The following BAZ1A variants were observed in gnomAD, a reference collection of about 807,000 sequenced individuals.
The protein encoded by BAZ1A is bromodomain adjacent to zinc finger domain protein 1A.
BAZ1A carries 50 observed loss-of-function variants against 185.2 expected under a neutral mutation model. The ratio of observed to expected loss-of-function variants is 0.27; its 90% CI spans 0.22 to 0.34. BAZ1A has a LOEUF of 0.34. Among genes scored for constraint, BAZ1A ranks in the 10% least tolerant of loss-of-function variants. The probability of loss-of-function intolerance (pLI) is 1.00; values close to 1 mark genes in which losing one functional copy is unlikely to be tolerated. For missense variants in BAZ1A, 1,356 were observed against 1,839.9 expected (o/e 0.74, Z 4.81); for synonymous variants, 571 against 615.6 (o/e 0.93, Z 1.07).
chr14:34,799,392 A>G (rs1881381366), intron 9 of BAZ1A, among the ~76,000 whole-genome samples: 1 of 152,184 alleles, frequency 6.6e-6, no homozygotes. Context: ...ATTAAAAAAC[A>G]AAATTCAAGG....
chr14:34,863,550 C>T (rs989592593), intron 2 of BAZ1A, among the ~76,000 whole-genome samples: 1 of 152,094 alleles, frequency 6.6e-6, no homozygotes, highest in Non-Finnish European at 1.5e-5. Flanking sequence ...TTGTGATCCA[C>T]CTGCCTCGGC....
intron 4 of BAZ1A, among the ~76,000 whole-genome samples, chr14:34,818,731 C>T (rs1305531156): frequency 2.0e-5 from 3 of 152,018 alleles, no homozygotes; most frequent in Non-Finnish European, 4.4e-5. Flanking sequence ...CTGTATACAC[C>T]GTGTATATGC....
chr14:34,791,148 A>AAAGAAAAGAGAAGAGAAAAGAGAAGAG lies in BAZ1A; in HGVS notation c.1510+1626_1510+1627insCTCTTCTCTTTTCTCTTCTCTTTTCTT, dbSNP rs1555339948. On this transcript the variant is annotated intron_variant, in intron 12 of 26. Transcript: ENST00000360310. Reference sequence around the variant, plus strand: ...AAAAAAGAAAAGAAAAGAGAAGAGAAAAGAGAAGAGAAGAGAGTAGTAATG... The same window carrying AAAGAAAAGAGAAGAGAAAAGAGAAGAG: ...AAAAAAGAAAAGAAAAGAGAAGAGAAAAGAAAAGAGAAGAGAAAAGAGAAGAGAAGAGAAGAGAAGAGAGTAGTAATG... Among the ~76,000 whole-genome samples the AAAGAAAAGAGAAGAGAAAAGAGAAGAG allele has an allele frequency of 2.6e-3, 397 of 151,532 alleles. 2 individuals carry two copies. The highest frequency in any genetic ancestry group is 8.9e-3 in the African/African-American group (368 of 41,308).
Position 34,786,225 on chromosome 14 carries a change from T to C in BAZ1A, c.1511-4A>G. The stretch of plus-strand genomic sequence containing the variant: ...TCATCCAAAGCCTCTGTTAAATCTT[T>C]AAGGAAATAAATACTTTATTCTAGT... On this transcript the variant is annotated splice_polypyrimidine_tract_variant and splice_region_variant and intron_variant, in intron 12 of 26. Coordinates refer to ENST00000360310, the MANE Select transcript of BAZ1A (RefSeq NM_013448.3). The C allele has an allele frequency of 6.2e-7, 1 of 1,607,096 alleles. No individual in the cohort carries two copies.
At chr14:34,758,131 A>C (rs964438365) in intron 25 of BAZ1A, among the ~76,000 whole-genome samples, 10 of 151,726 alleles carry the variant, frequency 6.6e-5, no homozygotes, top group African/African-American at 1.2e-4. Context: ...AAAAAAAAAA[A>C]AAACAGCTGG....
chr14:34,775,814 G>T, intron 18 of BAZ1A, 105 bp downstream of exon 18: 1 of 810,498 alleles, frequency 1.2e-6, no homozygotes. Flanking sequence ...CAAAGATAAG[G>T]TGTTGTAAAT....
At chr14:34,825,977 T>C (rs1446712285) in intron 4 of BAZ1A, 36 bp downstream of exon 4, 1 of 1,494,296 alleles carries the variant, frequency 6.7e-7, no homozygotes, top group Admixed American at 2.5e-5. Flanking sequence ...TTAGGCAATC[T>C]GCCAAATAAT....
rs2275144 is a variant in BAZ1A at position 34,765,003 on chromosome 14, A to T, written c.3549+18T>A. 1.2e-6 allele frequency: 2 copies of T among 1,613,496 alleles called. No individual in the cohort carries two copies. Among genetic ancestry groups the T allele is most frequent in the Non-Finnish European group, 1.7e-6 (2 of 1,179,868 alleles). On this transcript the variant is annotated intron_variant, in intron 22 of 26. Transcript: ENST00000360310. ...ATCTTAATGTCTCATTTCTAATCTG[A>T]TAAGAAGAAAAAAATACCTTGAGCT...
chr14:34,852,268 G>A (rs772520669), intron 3 of BAZ1A, among the ~76,000 whole-genome samples: 2 of 152,176 alleles, frequency 1.3e-5, no homozygotes, highest in Non-Finnish European at 2.9e-5. Flanking sequence ...ATTCCAAGTT[G>A]TAATGGCAAA....
At chr14:34,765,867 CATTTTATACTGGTGTGTG>C (rs1451398986) in intron 21 of BAZ1A, among the ~76,000 whole-genome samples, 1 of 152,130 alleles carries the variant, frequency 6.6e-6, no homozygotes, top group Non-Finnish European at 1.5e-5. Flanking sequence ...AATCAATAGT[CATTTTATACTGGTGTGTG>C]ATTTCCACTT....
At chr14:34,797,558 C>CA (rs547091346) in intron 9 of BAZ1A, among the ~76,000 whole-genome samples, 53 of 147,352 alleles carry the variant, frequency 3.6e-4, no homozygotes, top group South Asian at 2.4e-3. Context: ...CACTCCATCT[C>CA]AAAAAAAAAA....
chr14:34,848,650 C>T (rs929189475), intron 3 of BAZ1A, among the ~76,000 whole-genome samples: 1 of 152,144 alleles, frequency 6.6e-6, no homozygotes, highest in Non-Finnish European at 1.5e-5. Flanking sequence ...AAAAACAATA[C>T]TGAACCATAG....
chr14:34,858,830 G>C (rs1238497252), intron 3 of BAZ1A, among the ~76,000 whole-genome samples: 1 of 152,184 alleles, frequency 6.6e-6, no homozygotes, highest in African/African-American at 2.4e-5. Context: ...CAATGAAAGT[G>C]ATATGGAGGA....
intron 3 of BAZ1A, among the ~76,000 whole-genome samples, chr14:34,826,731 T>C (rs1037392072): frequency 3.3e-5 from 5 of 152,170 alleles, no homozygotes; most frequent in Non-Finnish European, 2.9e-5. Context: ...TTGTATGAGA[T>C]TGTGATGCTT....
chr14:34,759,789 C>T (rs1886446101), intron 24 of BAZ1A, among the ~76,000 whole-genome samples: 2 of 152,270 alleles, frequency 1.3e-5, no homozygotes, highest in Admixed American at 1.3e-4. Flanking sequence ...ATTCTCCTGC[C>T]TCAGCCTCCC....
intron 3 of BAZ1A, among the ~76,000 whole-genome samples, chr14:34,858,464 G>A (rs906262217): frequency 6.6e-6 from 1 of 152,008 alleles, no homozygotes; most frequent in Non-Finnish European, 1.5e-5. Flanking sequence ...TTACAGAGAA[G>A]AAAAAACATC....
At chr14:34,862,967 C>A (rs1256653031) in intron 2 of BAZ1A, among the ~76,000 whole-genome samples, 1 of 146,964 alleles carries the variant, frequency 6.8e-6, no homozygotes, top group Non-Finnish European at 1.5e-5. Flanking sequence ...TACCTATTTT[C>A]AAAAACTCTA....
intron 5 of BAZ1A, among the ~76,000 whole-genome samples, chr14:34,809,094 A>G (rs1039542951): frequency 2.6e-5 from 4 of 152,240 alleles, no homozygotes; most frequent in East Asian, 1.9e-4. Context: ...ATTAGGTATT[A>G]TAAGTAATCT....
rs2042164379 is a variant in BAZ1A, at chr14:34,826,296, A to C, written c.393-140T>G. On this transcript the variant is annotated intron_variant, in intron 3 of 26. Coordinates refer to ENST00000360310, the MANE Select transcript of BAZ1A (RefSeq NM_013448.3). ...GATTGATTTAAACAATTTAATTAAA[A>C]AGAAAATCTGTAACATCTAAGCAAA... 1.0e-5 allele frequency: 8 copies of C among 782,644 alleles called. No individual in the cohort carries two copies. In the South Asian group the frequency reaches 1.4e-4, roughly 14 times the overall value. The allele number at this position is 782,644 out of a possible 1,614,324, so 48.5% of individuals were successfully genotyped here.
Sources: gnomAD v4.1 joint callset for allele counts (sites outside exome capture counted in the v4.1 genomes callset) on GRCh38, gnomAD v4.1.1 for gene constraint, MANE v1.5 for transcripts, NCBI Gene and HGNC (gene_info 2026-07-23, HGNC 2026-07-21) for gene names.